MMP15: variants seen among roughly 807,000 people sequenced by gnomAD.
MMP15 encodes the protein matrix metallopeptidase 15.
MMP15 carries 36 observed loss-of-function variants against 65.0 expected under a neutral mutation model. The ratio of observed to expected loss-of-function variants is 0.55; its 90% CI spans 0.42 to 0.73. The LOEUF (loss-of-function observed/expected upper bound fraction) is 0.73, where lower values mean the gene tolerates loss of function less well. MMP15 is among the 30% of genes least tolerant of loss of function. The probability of loss-of-function intolerance (pLI) is 0.00; values close to 1 mark genes in which losing one functional copy is unlikely to be tolerated. For synonymous variants in MMP15, 428 were observed against 410.2 expected (o/e 1.04, Z -0.52); for missense variants, 870 against 987.8 (o/e 0.88, Z 1.60).
chr16:58,038,164 G>T, intron 2 of MMP15, 102 bp from the exon 3 acceptor site: 1 of 1,489,770 alleles, frequency 6.7e-7, no homozygotes. Context: ...TGTCATAGGA[G>T]GGGCGGCTGG....
At chr16:58,033,405 C>T (rs13334393) in intron 1 of MMP15, among the ~76,000 whole-genome samples, 1 of 152,198 alleles carries the variant, frequency 6.6e-6, no homozygotes, top group Non-Finnish European at 1.5e-5. Flanking sequence ...TGGGAATGGT[C>T]ACAAATCTAC....
chr16:58,037,381 G>A (rs993858377), intron 1 of MMP15, 91 bp from the exon 2 acceptor site: 20 of 1,508,906 alleles, frequency 1.3e-5, no homozygotes, highest in Non-Finnish European at 1.7e-5. Context: ...AGCAGCGGTG[G>A]TGGAGGTGGT....
intron 1 of MMP15, among the ~76,000 whole-genome samples, chr16:58,027,204 G>T (rs574583471): frequency 1.0e-3 from 156 of 152,334 alleles, no homozygotes; most frequent in African/African-American, 3.7e-3. Context: ...CTACGTCGAA[G>T]CCCTGGATTC....
At chr16:58,043,902 C>T (rs1959502991) in intron 9 of MMP15, among the ~76,000 whole-genome samples, 1 of 152,220 alleles carries the variant, frequency 6.6e-6, no homozygotes, top group Admixed American at 6.5e-5. Context: ...GTCAGGATTC[C>T]AGGCCAGTCC....
intron 1 of MMP15, among the ~76,000 whole-genome samples, chr16:58,028,088 C>G (rs1260995776): frequency 6.6e-6 from 1 of 152,168 alleles, no homozygotes; most frequent in African/African-American, 2.4e-5. Flanking sequence ...ATTCAATGGC[C>G]GTGCATTGCT....
In MMP15 at chr16:58,041,694, C is replaced by T. The variant is rs746765714; in HGVS notation, c.988C>T (p.Arg330Trp). The T allele has an allele frequency of 8.2e-5, 129 of 1,576,512 alleles. 1 individual carries two copies. Among genetic ancestry groups the T allele is most frequent in the Non-Finnish European group, 1.0e-4 (120 of 1,161,484 alleles). The change falls in exon 6 of 10, where the codon CGG (arginine) becomes TGG (tryptophan). Residue 330 changes from arginine (R) to tryptophan (W), a missense_variant. Arg to Trp is a moderately radical substitution (Grantham distance 101). Transcript: ENST00000219271. Reference protein sequence around the residue: ...TPRRPGRPDHRPPRPPQPPPP... With the variant: ...TPRRPGRPDHWPPRPPQPPPP... The stretch of plus-strand genomic sequence containing the variant: ...ACGGCGGCCAGGCCGGCCTGACCAC[C>T]GGCCGCCCCGGCCTCCCCAGCCACC...
chr16:58,034,838 G>C (rs932897910), intron 1 of MMP15, among the ~76,000 whole-genome samples: 1 of 152,156 alleles, frequency 6.6e-6, no homozygotes, highest in Non-Finnish European at 1.5e-5. Flanking sequence ...TGGCCCCGGG[G>C]TTGAAGGGGC....
chr16:58,045,385 A>G lies in MMP15; in HGVS notation c.1949A>G (p.Gln650Arg). The G allele has an allele frequency of 6.3e-7, 1 of 1,587,014 alleles. No individual in the cohort carries two copies. The highest frequency in any genetic ancestry group is 2.3e-5 in the East Asian group (1 of 44,072). Residue 650 changes from glutamine to arginine, a missense_variant, in exon 10 of 10, where the codon CAG becomes CGG. By Grantham distance (43) the Gln-to-Arg change is conservative (BLOSUM62 1). Coordinates refer to ENST00000219271, the MANE Select transcript of MMP15 (RefSeq NM_002428.4). Reference protein sequence around the residue: ...LGLTYALVQMQRKGAPRVLLY... With the variant: ...LGLTYALVQMRRKGAPRVLLY... The stretch of plus-strand genomic sequence containing the variant: ...CTCACCTACGCGCTGGTGCAGATGC[A>G]GCGCAAGGGTGCGCCACGTGTCCTG...
Position 58,044,994 on chromosome 16 carries a change from C to A in MMP15, c.1571-13C>A. 1 of 1,613,172 alleles carries A rather than the reference C, an allele frequency of 6.2e-7. No individual in the cohort carries two copies. The highest frequency in any genetic ancestry group is 1.1e-5 in the South Asian group (1 of 91,062). Reference sequence around the variant, plus strand: ...CTCAACCTGAAGCCACTCTGGCCTCCTTGCCCCTGCAGCCTACACCTACTT... The same window carrying A: ...CTCAACCTGAAGCCACTCTGGCCTCATTGCCCCTGCAGCCTACACCTACTT... On this transcript the variant is annotated splice_polypyrimidine_tract_variant and intron_variant, in intron 9 of 9. Coordinates refer to ENST00000219271, the MANE Select transcript of MMP15 (RefSeq NM_002428.4).
intron 1 of MMP15, among the ~76,000 whole-genome samples, chr16:58,036,887 A>G (rs982758603): frequency 2.0e-5 from 3 of 152,378 alleles, no homozygotes; most frequent in African/African-American, 7.2e-5. Context: ...TAATGGGGGA[A>G]GACAAATAGC....
At position 58,046,243 on chromosome 16, in the gene MMP15, C is replaced by A. The variant is rs1056714144; in HGVS notation, c.*797C>A. ...CCTGAGCTAGAACCCTCTGTTCCTT[C>A]CCTGTGCCTCCTCCCTCCCTCTCCG... On this transcript the variant is annotated 3_prime_UTR_variant, in exon 10 of 10. Coordinates refer to ENST00000219271, the MANE Select transcript of MMP15 (RefSeq NM_002428.4). The A allele has an allele frequency of 6.5e-6, 1 of 152,956 alleles. No individual in the cohort carries two copies. The highest frequency in any genetic ancestry group is 2.4e-5 in the African/African-American group (1 of 41,446). The allele number at this position is 152,956 out of a possible 1,614,324, so 9.5% of individuals were successfully genotyped here. A position where few individuals can be genotyped will look rare whatever the true frequency, so the allele number is the denominator to read the frequency against.
chr16:58,041,243 G>A (rs985648511), intron 5 of MMP15, among the ~76,000 whole-genome samples: 5 of 152,202 alleles, frequency 3.3e-5, no homozygotes, highest in African/African-American at 9.7e-5. Context: ...AGCTCCTGCC[G>A]TGCTGGGCAC....
chr16:58,033,483 T>C (rs1016060053), intron 1 of MMP15, among the ~76,000 whole-genome samples: 1 of 152,214 alleles, frequency 6.6e-6, no homozygotes, highest in Non-Finnish European at 1.5e-5. Flanking sequence ...CAGACTCAGG[T>C]GCTGCGGTTA....
intron 1 of MMP15, among the ~76,000 whole-genome samples, chr16:58,031,668 TCTC>T (rs1243451381): frequency 2.0e-5 from 3 of 151,844 alleles, no homozygotes; most frequent in East Asian, 1.9e-4. Flanking sequence ...CCTTCCTGCT[TCTC>T]CTGCTGGACT....
At position 58,038,372 on chromosome 16, in the gene MMP15, A is replaced by G. The variant is rs746846027; in HGVS notation, c.418A>G (p.Asn140Asp). The G allele has an allele frequency of 9.3e-6, 15 of 1,613,884 alleles. No individual in the cohort carries two copies. The highest frequency in any genetic ancestry group is 1.6e-4 in the Middle Eastern group (1 of 6,084). Reference protein sequence around the residue: ...KRYALTGRKWNNHHLTFSIQN... With the variant: ...KRYALTGRKWDNHHLTFSIQN... ...CTACGCCCTCACCGGGAGGAAGTGG[A>G]ACAACCACCATCTGACCTTTAGGTA... Residue 140 changes from asparagine to aspartate, a missense_variant, in exon 3 of 10, where the codon AAC becomes GAC. Coordinates refer to ENST00000219271, the MANE Select transcript of MMP15 (RefSeq NM_002428.4).
At chr16:58,033,668 C>T (rs543884072) in intron 1 of MMP15, among the ~76,000 whole-genome samples, 2 of 152,306 alleles carry the variant, frequency 1.3e-5, no homozygotes, top group African/African-American at 4.8e-5. Context: ...TTTGGGAGGC[C>T]AAGGCAGGCG....
chr16:58,037,637 A>C lies in MMP15; in HGVS notation c.311+17A>C, dbSNP rs141048544. On this transcript the variant is annotated intron_variant, in intron 2 of 9. Coordinates refer to ENST00000219271, the MANE Select transcript of MMP15 (RefSeq NM_002428.4). ...GACCAAGGAGTGAGTTCCCCCCACC[A>C]TCCACACCCCACAGGCACCTGCCTT... 45 of 1,613,990 alleles carry C rather than the reference A, an allele frequency of 2.8e-5. No individual in the cohort carries two copies. In the East Asian group the frequency reaches 1.0e-3, roughly 36 times the overall value.
In MMP15 at chr16:58,045,622, G is replaced by A; in HGVS notation, c.*176G>A. The A allele has an allele frequency of 1.7e-6, 1 of 594,470 alleles. No individual in the cohort carries two copies. Among genetic ancestry groups the A allele is most frequent in the Non-Finnish European group, 2.9e-6 (1 of 346,354 alleles). The allele number at this position is 594,470 out of a possible 1,614,324, so 36.8% of individuals were successfully genotyped here. Reference sequence around the variant, plus strand: ...TTGTTTTGTTTTTGGCACCTTACTTGACCATTTGTTTCTGTTTCCCCGACT... The same window carrying A: ...TTGTTTTGTTTTTGGCACCTTACTTAACCATTTGTTTCTGTTTCCCCGACT... On this transcript the variant is annotated 3_prime_UTR_variant, in exon 10 of 10. Coordinates refer to ENST00000219271, the MANE Select transcript of MMP15 (RefSeq NM_002428.4).
Position 58,027,230 on chromosome 16 carries a change from G to C in MMP15, c.162+718G>C, listed in dbSNP as rs950583161. Among the ~76,000 whole-genome samples the C allele has an allele frequency of 3.3e-5, 5 of 152,328 alleles. No individual in the cohort carries two copies. The East Asian group carries it at 9.7e-4, about 29-fold the overall frequency. On this transcript the variant is annotated intron_variant, in intron 1 of 9. Coordinates refer to ENST00000219271, the MANE Select transcript of MMP15 (RefSeq NM_002428.4). ...CCCTGGATTCGAGAGGGTGGACCCC[G>C]CGCCTCTCTTCGCTAGGAGCCCGCT...
Sources: allele counts gnomAD v4.1 joint callset (sites outside exome capture counted in the v4.1 genomes callset), GRCh38; gene constraint gnomAD v4.1.1; transcripts MANE v1.5; gene names NCBI Gene and HGNC (gene_info 2026-07-23, HGNC 2026-07-21).